Variants in CNTN3 observed in about 807,000 individuals in gnomAD.
The protein encoded by CNTN3 is contactin-3.
Under a neutral mutation model 119.1 loss-of-function variants are expected in CNTN3, and 60 were observed. The observed-to-expected ratio is 0.50, with a 90% CI of 0.41 to 0.62. The LOEUF is 0.62. CNTN3 is among the 20% of genes least tolerant of loss of function. The probability of loss-of-function intolerance (pLI) is 0.00; values close to 1 mark genes in which losing one functional copy is unlikely to be tolerated. For synonymous variants in CNTN3, 450 were observed against 438.7 expected (o/e 1.03, Z -0.32); for missense variants, 1,101 against 1,242.4 (o/e 0.89, Z 1.71).
At chr3:74,438,032 A>T (rs917237012) in intron 4 of CNTN3, among the ~76,000 whole-genome samples, 13 of 152,230 alleles carry the variant, frequency 8.5e-5, no homozygotes, top group Non-Finnish European at 1.9e-4. Flanking sequence ...CATTAGTTAT[A>T]CAAAGATGTA....
At chr3:74,392,347 T>C (rs555145042) in intron 5 of CNTN3, among the ~76,000 whole-genome samples, 1 of 152,318 alleles carries the variant, frequency 6.6e-6, no homozygotes, top group South Asian at 2.1e-4. Flanking sequence ...CTTTCTTTCT[T>C]TTTGCCATTC....
chr3:74,573,810 G>A (rs376871708), intron 1 of CNTN3, among the ~76,000 whole-genome samples: 3 of 151,480 alleles, frequency 2.0e-5, no homozygotes, highest in African/African-American at 4.8e-5. Flanking sequence ...GTAAGAAGGC[G>A]GAGAAATTGG....
In CNTN3 at chr3:74,263,883, A is replaced by G. The variant is rs1340388043; in HGVS notation, c.*518T>C. Reference sequence around the variant, plus strand: ...ACATCATTCTTCTAAGCCCCACAGTAGCATTTTCCAACAATGCTCTTTTGA... The same window carrying G: ...ACATCATTCTTCTAAGCCCCACAGTGGCATTTTCCAACAATGCTCTTTTGA... On this transcript the variant is annotated 3_prime_UTR_variant, in exon 23 of 23. Coordinates refer to ENST00000263665, the MANE Select transcript of CNTN3 (RefSeq NM_020872.3). 1 of 152,104 alleles carries G rather than the reference A, an allele frequency of 6.6e-6. No homozygotes were observed. The highest frequency in any genetic ancestry group is 1.5e-5 in the Non-Finnish European group (1 of 68,008). 9.4% of individuals were successfully genotyped at this position (152,104 alleles called of 1,614,324 possible).
chr3:74,276,886 C>T (rs1701891262), intron 20 of CNTN3, among the ~76,000 whole-genome samples: 1 of 151,872 alleles, frequency 6.6e-6, no homozygotes, highest in South Asian at 2.1e-4. Flanking sequence ...AGATCATTGG[C>T]AAGATTAACA....
intron 4 of CNTN3, among the ~76,000 whole-genome samples, chr3:74,456,243 A>G (rs77554125): frequency 1.0e-5 from 1 of 97,030 alleles, no homozygotes; most frequent in East Asian, 2.7e-4. Flanking sequence ...CTATCTACTG[A>G]AAAAAAAAGA....
Position 74,269,048 on chromosome 3 carries a change from G to GA in CNTN3, c.2705-1671dup, listed in dbSNP as rs5850167. 2.5e-3 allele frequency among the ~76,000 whole-genome samples: 298 copies of GA among 117,104 alleles called. 3 individuals carry two copies. In the East Asian group the frequency reaches 0.035, roughly 14 times the overall value. 76.8% of individuals were successfully genotyped at this position (117,104 alleles called of 152,430 possible). A position where few individuals can be genotyped will look rare whatever the true frequency, so the allele number is the denominator to read the frequency against. On this transcript the variant is annotated intron_variant, in intron 20 of 22. Transcript: ENST00000263665. ...TGAATACTTTTTGAAATGACAAAAA[G>GA]AAAAAAAAAAAACAAAAAAAAAGGA... is the stretch of plus-strand genomic sequence containing the variant.
chr3:74,357,415 C>T (rs1703962370), intron 11 of CNTN3, among the ~76,000 whole-genome samples: 1 of 152,010 alleles, frequency 6.6e-6, no homozygotes, highest in South Asian at 2.1e-4. Context: ...TCCCAAGTAG[C>T]TGGGATTACA....
chr3:74,381,577 A>T (rs2106811551), intron 5 of CNTN3, among the ~76,000 whole-genome samples: 1 of 152,308 alleles, frequency 6.6e-6, no homozygotes, highest in African/African-American at 2.4e-5. Context: ...AGAAAAGAGT[A>T]ATAAAAATAG....
At chr3:74,603,193 A>C (rs543382218) in intron 1 of CNTN3, among the ~76,000 whole-genome samples, 1 of 152,176 alleles carries the variant, frequency 6.6e-6, no homozygotes, top group Non-Finnish European at 1.5e-5. Flanking sequence ...CTTTTGCAAC[A>C]GTCAGTCACT....
chr3:74,389,110 C>CT (rs1704830393), intron 5 of CNTN3, among the ~76,000 whole-genome samples: 1 of 152,160 alleles, frequency 6.6e-6, no homozygotes, highest in South Asian at 2.1e-4. Context: ...TTAAAAACTA[C>CT]TGATCTTTAT....
intron 19 of CNTN3, among the ~76,000 whole-genome samples, chr3:74,289,970 T>C (rs1702191138): frequency 6.6e-6 from 1 of 152,218 alleles, no homozygotes. Context: ...GACGGTTCTA[T>C]GAGGATTTTT....
At chr3:74,605,999 T>G (rs1704984786) in intron 1 of CNTN3, among the ~76,000 whole-genome samples, 1 of 152,044 alleles carries the variant, frequency 6.6e-6, no homozygotes, top group Non-Finnish European at 1.5e-5. Context: ...ATAGCAAACT[T>G]AATACATTTT....
chr3:74,451,948 T>C (rs1482044726), intron 4 of CNTN3, among the ~76,000 whole-genome samples: 19 of 113,386 alleles, frequency 1.7e-4, no homozygotes, highest in Non-Finnish European at 2.6e-4. Context: ...TCAGGTAGCG[T>C]GAGGCCTCCA....
intron 13 of CNTN3, among the ~76,000 whole-genome samples, chr3:74,331,967 T>C (rs549298756): frequency 6.6e-6 from 1 of 152,334 alleles, no homozygotes; most frequent in African/African-American, 2.4e-5. Context: ...AACAAATGAA[T>C]GGCTGTTGAC....
At chr3:74,370,069 T>C in intron 6 of CNTN3, 78 bp from the exon 7 acceptor site, 1 of 797,300 alleles carries the variant, frequency 1.3e-6, no homozygotes, top group African/African-American at 1.8e-5. Flanking sequence ...TAAAACTTTC[T>C]TTTGCTCCCA....
At chr3:74,304,783 C>T (rs575515236) in intron 13 of CNTN3, among the ~76,000 whole-genome samples, 6 of 151,898 alleles carry the variant, frequency 4.0e-5, no homozygotes, top group Non-Finnish European at 7.4e-5. Context: ...TTACACTGCA[C>T]AGTAGAAAAA....
intron 20 of CNTN3, among the ~76,000 whole-genome samples, chr3:74,276,141 T>G (rs2106762048): frequency 6.6e-6 from 1 of 152,150 alleles, no homozygotes; most frequent in Admixed American, 6.5e-5. Context: ...CCCAAATTTA[T>G]AAAACAATTA....
At chr3:74,340,481 G>C (rs1257973945) in intron 11 of CNTN3, among the ~76,000 whole-genome samples, 1 of 152,048 alleles carries the variant, frequency 6.6e-6, no homozygotes, top group Non-Finnish European at 1.5e-5. Context: ...TAAGAGCCAT[G>C]CTCCCAACCC....
chr3:74,343,565 A>T (rs1703601351), intron 11 of CNTN3, among the ~76,000 whole-genome samples: 1 of 152,226 alleles, frequency 6.6e-6, no homozygotes, highest in South Asian at 2.1e-4. Context: ...GAGGATGCTG[A>T]ATATTTTTTG....
Sources: gnomAD v4.1 joint callset for allele counts (sites outside exome capture counted in the v4.1 genomes callset) on GRCh38, gnomAD v4.1.1 for gene constraint, MANE v1.5 for transcripts, NCBI Gene and HGNC (gene_info 2026-07-23, HGNC 2026-07-21) for gene names.